TP63: variants seen among roughly 807,000 people sequenced by gnomAD.
The protein encoded by TP63 is tumor protein p63.
TP63 carries 17 observed loss-of-function variants against 82.8 expected under a neutral mutation model. That is an observed-to-expected ratio of 0.21 (90% CI 0.14 to 0.31). TP63 has a LOEUF of 0.31. TP63 is among the 10% of genes least tolerant of loss of function. The pLI is 1.00. For missense variants in TP63, 648 were observed against 895.3 expected, an observed-to-expected ratio of 0.72 and a Z score of 3.52; for synonymous variants, 330 against 321.7, an observed-to-expected ratio of 1.03 and a Z score of -0.28.
chr3:189,840,912 G>A (rs140917892), intron 4 of TP63, among the ~76,000 whole-genome samples: 1 of 151,236 alleles, frequency 6.6e-6, no homozygotes. Flanking sequence ...ACCTTCTTGG[G>A]CTTTGAAGCT....
At chr3:189,684,819 A>G (rs1716301586) in intron 1 of TP63, among the ~76,000 whole-genome samples, 1 of 151,932 alleles carries the variant, frequency 6.6e-6, no homozygotes, top group African/African-American at 2.4e-5. Flanking sequence ...TTTAGTAGAA[A>G]TGGGGTTTCT....
intron 1 of TP63, among the ~76,000 whole-genome samples, chr3:189,657,847 C>T (rs1162134301): frequency 6.6e-6 from 1 of 151,988 alleles, no homozygotes; most frequent in Non-Finnish European, 1.5e-5. Context: ...CAACTGATGG[C>T]CTCGGAGGAG....
chr3:189,663,600 T>C (rs1714124080), intron 1 of TP63, among the ~76,000 whole-genome samples: 1 of 132,550 alleles, frequency 7.5e-6, no homozygotes, highest in Non-Finnish European at 1.6e-5. Context: ...CAATCTCAGC[T>C]CACTGCAACA....
At chr3:189,729,657 C>G (rs1328017833) in intron 1 of TP63, among the ~76,000 whole-genome samples, 1 of 151,796 alleles carries the variant, frequency 6.6e-6, no homozygotes. Flanking sequence ...GTTAAGCTGA[C>G]ATGGATTTGA....
intron 10 of TP63, chr3:189,880,024 T>C: frequency 1.2e-6 from 2 of 1,608,708 alleles, no homozygotes; most frequent in Non-Finnish European, 1.7e-6. Context: ...GATGAAGTCC[T>C]AGGCCTTCAT....
rs114643536 is a variant in TP63, at chr3:189,885,299, G to A, written c.1350-1095G>A. On this transcript the variant is annotated intron_variant, in intron 10 of 13. Coordinates refer to ENST00000264731, the MANE Select transcript of TP63 (RefSeq NM_003722.5). ...CTCTTTTTCAGTTCTCATCATAGCC[G>A]TATAAGGTAGGATGGATTATTATAT... Among the ~76,000 whole-genome samples, 633 of 152,254 alleles carry A rather than the reference G, an allele frequency of 4.2e-3. 5 individuals carry two copies. Among genetic ancestry groups the A allele is most frequent in the African/African-American group, 0.014 (594 of 41,534 alleles).
chr3:189,597,688 G>A, the TP63 span, among the ~76,000 whole-genome samples: 2 of 152,124 alleles, frequency 1.3e-5, no homozygotes, highest in African/African-American at 2.4e-5. Flanking sequence ...ACTTTGCGAG[G>A]CCAGGCTGGG....
chr3:189,835,963 T>TC (rs1713092455), intron 4 of TP63, among the ~76,000 whole-genome samples: 1 of 127,064 alleles, frequency 7.9e-6, no homozygotes, highest in Non-Finnish European at 1.8e-5. Context: ...ATAATAATAA[T>TC]AATAATGTAA....
intron 4 of TP63, among the ~76,000 whole-genome samples, chr3:189,824,812 C>T (rs1208548825): frequency 6.6e-6 from 1 of 150,608 alleles, no homozygotes. Flanking sequence ...CAGTGCTGGC[C>T]CAGGCATCGG....
At chr3:189,765,476 G>A (rs1177052586) in intron 3 of TP63, among the ~76,000 whole-genome samples, 1 of 52,014 alleles carries the variant, frequency 1.9e-5, no homozygotes, top group Non-Finnish European at 4.1e-5. Flanking sequence ...TCACTCTGTT[G>A]CCCAGGCAGA....
chr3:189,645,475 TTTTA>T (rs1380939870), intron 1 of TP63: 2 of 234,816 alleles, frequency 8.5e-6, no homozygotes, highest in African/African-American at 4.6e-5. Context: ...TTAAATTTTT[TTTTA>T]TTTTTTATTG....
chr3:189,611,851 T>A, the TP63 span, among the ~76,000 whole-genome samples: 1 of 152,174 alleles, frequency 6.6e-6, no homozygotes, highest in African/African-American at 2.4e-5. Flanking sequence ...ACCTCCCTGG[T>A]TAGCTGTATT....
intron 1 of TP63, among the ~76,000 whole-genome samples, chr3:189,677,136 T>C (rs61623586): frequency 0.5 from 75,874 of 151,222 alleles, 19,319 homozygotes; most frequent in African/African-American, 0.61. Flanking sequence ...GGTTCATCCA[T>C]GTTACTGGAA....
chr3:189,598,410 A>G, the TP63 span, among the ~76,000 whole-genome samples: 1 of 152,072 alleles, frequency 6.6e-6, no homozygotes, highest in Non-Finnish European at 1.5e-5. Context: ...GTGAAAGATA[A>G]AGCAATATAG....
chr3:189,621,001 C>A, the TP63 span, among the ~76,000 whole-genome samples: 1 of 152,128 alleles, frequency 6.6e-6, no homozygotes, highest in Non-Finnish European at 1.5e-5. Flanking sequence ...TGGCTTTCAC[C>A]TGTATAGTTT....
intron 1 of TP63, among the ~76,000 whole-genome samples, chr3:189,717,427 T>C (rs975397273): frequency 1.4e-4 from 22 of 152,178 alleles, no homozygotes; most frequent in African/African-American, 4.3e-4. Flanking sequence ...CTTTGAATAA[T>C]AATTTGCTTA....
chr3:189,840,405 T>A (rs1268864729), intron 4 of TP63, among the ~76,000 whole-genome samples: 1 of 149,932 alleles, frequency 6.7e-6, no homozygotes, highest in Admixed American at 6.6e-5. Context: ...CTTTTATTCT[T>A]TTCTTCTCCA....
chr3:189,682,002 G>A (rs1417249974), intron 1 of TP63, among the ~76,000 whole-genome samples: 1 of 152,142 alleles, frequency 6.6e-6, no homozygotes, highest in African/African-American at 2.4e-5. Context: ...GGAGGCCAAG[G>A]TGGGAGGATC....
intron 4 of TP63, among the ~76,000 whole-genome samples, chr3:189,813,873 C>T (rs557086175): frequency 2.0e-4 from 31 of 152,230 alleles, no homozygotes; most frequent in African/African-American, 4.8e-4. Flanking sequence ...GTTAACTGCC[C>T]GTGAATTTGT....
Sources: gnomAD v4.1 joint callset for allele counts (sites outside exome capture counted in the v4.1 genomes callset) on GRCh38, gnomAD v4.1.1 for gene constraint, MANE v1.5 for transcripts, NCBI Gene and HGNC (gene_info 2026-07-23, HGNC 2026-07-21) for gene names.